The following GAK variants were observed in gnomAD, a reference collection of about 807,000 sequenced individuals.
GAK encodes cyclin G associated kinase, also known as cyclin-G-associated kinase.
A neutral mutation model predicts 143.9 loss-of-function variants in GAK; 79 were observed. The ratio of observed to expected loss-of-function variants is 0.55; its 90% confidence interval spans 0.46 to 0.66. GAK has a LOEUF of 0.66. GAK is among the 30% of genes least tolerant of loss of function. The pLI is 0.00. For missense variants in GAK, 1,693 were observed against 1,779.7 expected, an observed-to-expected ratio of 0.95 and a Z score of 0.88; for synonymous variants, 881 against 765.5, an observed-to-expected ratio of 1.15 and a Z score of -2.49.
chr4:920,138 C>T (rs1723678377), intron 1 of GAK, among the ~76,000 whole-genome samples: 2 of 152,004 alleles, frequency 1.3e-5, no homozygotes, highest in Non-Finnish European at 1.5e-5. Flanking sequence ...GAGACCCCGT[C>T]TCTACTAAAA....
At chr4:849,833 G>GGGCGGGCCCCCCCCC in intron 27 of GAK, 59 bp from the exon 28 acceptor site, 2 of 1,190,156 alleles carry the variant, frequency 1.7e-6, no homozygotes, top group Non-Finnish European at 2.3e-6. Context: ...GGCGGGGCAG[G>GGGCGGGCCCCCCCCC]ACCCCCCCCC....
intron 9 of GAK, 140 bp downstream of exon 9, chr4:893,237 G>C: frequency 1.8e-6 from 1 of 554,010 alleles, no homozygotes; most frequent in Admixed American, 3.8e-5. Context: ...AGGAGACTTA[G>C]GGTTCACGTG....
intron 1 of GAK, among the ~76,000 whole-genome samples, chr4:926,683 A>G (rs1025425657): frequency 1.3e-5 from 2 of 152,026 alleles, no homozygotes; most frequent in Non-Finnish European, 2.9e-5. Context: ...TTGATGATCA[A>G]GCTGTCAACT....
chr4:852,908 G>A (rs1019187554), intron 24 of GAK: 5 of 152,260 alleles, frequency 3.3e-5, no homozygotes, highest in African/African-American at 7.2e-5. Flanking sequence ...TGGCCAGCTG[G>A]ACTCGTGTGT....
chr4:867,351 C>T lies in GAK; in HGVS notation c.2477G>A (p.Ser826Asn). ...GGATCCCCCTTCATCTGACACCTCA[C>T]TCTCGTCTCTGTCCTCCATCAGGGC... ...ESALMEDRDE[S>N]EVSDEGGSPI... is the part of the protein sequence containing the mutation. The change falls in exon 21 of 28, where the codon AGT becomes AAT. Residue 826 changes from serine to asparagine, a missense_variant. Physicochemically the swap from Ser to Asn is conservative, Grantham distance 46. Transcript: ENST00000314167. 1 of 1,604,270 alleles carries T rather than the reference C, an allele frequency of 6.2e-7. No individual in the cohort carries two copies. Among genetic ancestry groups the T allele is most frequent in the Non-Finnish European group, 8.5e-7 (1 of 1,173,508 alleles).
intron 1 of GAK, 77 bp from the exon 2 acceptor site, chr4:913,745 A>C (rs1722436420): frequency 8.2e-7 from 1 of 1,220,724 alleles, no homozygotes; most frequent in Non-Finnish European, 1.2e-6. Flanking sequence ...ACCTTCACTA[A>C]GTAAAATACA....
chr4:874,647 G>A (rs1269991156), intron 18 of GAK, among the ~76,000 whole-genome samples: 1 of 151,400 alleles, frequency 6.6e-6, no homozygotes, highest in Non-Finnish European at 1.5e-5. Context: ...CTGAGGTACT[G>A]AACCTCTTTT....
Position 866,001 on chromosome 4 carries a change from T to G in GAK, c.3043+363A>C, listed in dbSNP as rs111760203. On this transcript the variant is annotated intron_variant, in intron 22 of 27. Coordinates refer to ENST00000314167, the MANE Select transcript of GAK (RefSeq NM_005255.4). ...CCGGACCCTGGGTCCCCCAGCTGCC[T>G]CCCTCTGACCTCTGGTCCCTACACA... 3.0e-4 allele frequency among the ~76,000 whole-genome samples: 45 copies of G among 152,314 alleles called. 1 individual carries two copies. Among genetic ancestry groups the G allele is most frequent in the African/African-American group, 9.9e-4 (41 of 41,574 alleles).
intron 1 of GAK, among the ~76,000 whole-genome samples, chr4:924,834 C>CT (rs1553899109): frequency 6.7e-6 from 1 of 150,218 alleles, no homozygotes; most frequent in Non-Finnish European, 1.5e-5. Context: ...GGAGTTCCCC[C>CT]GGGGGGCTGC....
chr4:897,774 C>T (rs1215051508), intron 6 of GAK, among the ~76,000 whole-genome samples: 2 of 152,224 alleles, frequency 1.3e-5, no homozygotes, highest in Admixed American at 6.5e-5. Flanking sequence ...CACGGTGAAA[C>T]CCCGTCCCTA....
intron 1 of GAK, among the ~76,000 whole-genome samples, chr4:920,314 A>AC (rs1723705943): frequency 6.6e-6 from 1 of 151,712 alleles, no homozygotes; most frequent in Admixed American, 6.6e-5. Context: ...TCTCAAAAAA[A>AC]AAAAAACAAA....
chr4:902,614 A>AACAAAAAAAAC (rs796109765), intron 5 of GAK, among the ~76,000 whole-genome samples: 1 of 148,294 alleles, frequency 6.7e-6, no homozygotes, highest in Non-Finnish European at 1.5e-5. Context: ...AAAAAAAAAA[A>AACAAAAAAAAC]CCCCAAAAAA....
In GAK at chr4:849,332, C is replaced by T. The variant is rs567431831; in HGVS notation, c.*341G>A. On this transcript the variant is annotated 3_prime_UTR_variant, in exon 28 of 28. Coordinates refer to ENST00000314167, the MANE Select transcript of GAK (RefSeq NM_005255.4). ...CAACCACGGGACTGATTACAAAGTG[C>T]GGTGCAAACACCAGGGCCCATGAGC... 7 of 362,246 alleles carry T rather than the reference C, an allele frequency of 1.9e-5. No homozygotes were observed. Among genetic ancestry groups the T allele is most frequent in the African/African-American group, 4.1e-5 (2 of 48,912 alleles). The allele number at this position is 362,246 out of a possible 1,614,324, so 22.4% of individuals were successfully genotyped here. A position where few individuals can be genotyped will look rare whatever the true frequency, so the allele number is the denominator to read the frequency against.
intron 15 of GAK, among the ~76,000 whole-genome samples, chr4:880,351 C>T (rs368020233): frequency 2.6e-5 from 4 of 152,222 alleles, no homozygotes; most frequent in South Asian, 2.1e-4. Context: ...TCTGCATGAG[C>T]GTCCTCAGCA....
chr4:866,631 G>A lies in GAK; in HGVS notation c.2873-97C>T, dbSNP rs922345440. The A allele has an allele frequency of 2.7e-5, 37 of 1,368,874 alleles. 1 individual carries two copies. The Admixed American group carries it at 7.7e-4, about 28-fold the overall frequency. The allele number at this position is 1,368,874 out of a possible 1,614,324, so 84.8% of individuals were successfully genotyped here. A position where few individuals can be genotyped will look rare whatever the true frequency, so the allele number is the denominator to read the frequency against. On this transcript the variant is annotated intron_variant, in intron 21 of 27. Coordinates refer to ENST00000314167, the MANE Select transcript of GAK (RefSeq NM_005255.4). ...CAGGCCTGCCCAAGAGGCCACTCCA[G>A]CTGGGCAGCCCAGACCCCACGGCTG...
At chr4:880,178 A>C (rs899818606) in intron 15 of GAK, among the ~76,000 whole-genome samples, 42 of 142,384 alleles carry the variant, frequency 2.9e-4, no homozygotes, top group African/African-American at 1.0e-3. Context: ...TGCACCCTGC[A>C]TGAGGGTCCT....
At position 859,681 on chromosome 4, in the gene GAK, A is replaced by C; in HGVS notation, c.3208T>G (p.Ser1070Ala). ...TGAGACTTGGTCCAGCTGGCCTGAG[A>C]GCCACAAGGGGCCGGCTGACCTCCA... ...SPGGQPAPCG[S>A]QASWTKSQNP... Residue 1070 changes from serine to alanine, a missense_variant, in exon 24 of 28, where the codon TCT becomes GCT. Ser to Ala is a moderately conservative substitution (Grantham distance 99, BLOSUM62 1). Transcript: ENST00000314167. 6.2e-7 allele frequency: 1 copy of C among 1,601,262 alleles called. No homozygotes were observed. The highest frequency in any genetic ancestry group is 8.6e-7 in the Non-Finnish European group (1 of 1,169,348).
Position 876,401 on chromosome 4 carries a change from C to A in GAK, c.2054+129G>T, listed in dbSNP as rs1016488217. 4 of 770,584 alleles carry A rather than the reference C, an allele frequency of 5.2e-6. No homozygotes were observed. The East Asian group carries it at 1.0e-4, about 20-fold the overall frequency. 47.7% of individuals were successfully genotyped at this position (770,584 alleles called of 1,614,324 possible). On this transcript the variant is annotated intron_variant, in intron 18 of 27. Transcript: ENST00000314167. ...AGCTCCAGGATGGCCCAGGAACAGG[C>A]CCAGAGCCACCAAGCAGCAGTCACA... is the stretch of plus-strand genomic sequence containing the variant.
chr4:866,439 C>G lies in GAK; in HGVS notation c.2968G>C (p.Val990Leu). ...LFGEFLNSDSVTVPPSFPSAH... is the reference protein window; with the variant it reads ...LFGEFLNSDSLTVPPSFPSAH... ...GACGGGAAGGATGGTGGGACGGTCA[C>G]AGAGTCCGAATTGAGAAATTCGCCG... The change falls in exon 22 of 28, where the codon GTG (valine) becomes CTG (leucine). Residue 990 changes from valine (V) to leucine (L), a missense_variant. Physicochemically the swap from Val to Leu is conservative, Grantham distance 32 (BLOSUM62 1). Transcript: ENST00000314167. The G allele has an allele frequency of 6.2e-7, 1 of 1,614,156 alleles. No homozygotes were observed. The highest frequency in any genetic ancestry group is 8.5e-7 in the Non-Finnish European group (1 of 1,179,994).
Sources: gnomAD v4.1 joint callset for allele counts (sites outside exome capture counted in the v4.1 genomes callset) on GRCh38, gnomAD v4.1.1 for gene constraint, MANE v1.5 for transcripts, NCBI Gene and HGNC (gene_info 2026-07-23, HGNC 2026-07-21) for gene names.